SEPTIN3: variants seen among roughly 807,000 people sequenced by gnomAD.
SEPTIN3 encodes neuronal-specific septin-3.
In SEPTIN3, 15 loss-of-function variants were observed where a neutral mutation model predicts 45.1. That is an observed-to-expected ratio of 0.33 (90% confidence interval 0.22 to 0.51). SEPTIN3 has a LOEUF of 0.51. Ranked by LOEUF, SEPTIN3 falls within the 20% of genes least tolerant of loss-of-function variation. The pLI, the probability that SEPTIN3 is intolerant of heterozygous loss-of-function variation, is 0.97. For synonymous variants in SEPTIN3, 148 were observed against 164.8 expected (o/e 0.90, Z 0.78); for missense variants, 289 against 457.2 (o/e 0.63, Z 3.35).
Position 41,994,433 on chromosome 22 carries a change from GTCTC to G in SEPTIN3, c.2411+96_2411+99del, listed in dbSNP as rs986917960. On this transcript the variant is annotated intron_variant, in intron 10 of 11. Transcript: ENST00000644076. The surrounding 1 kb of genome is among the most constrained non-coding windows in gnomAD (Gnocchi z 4.2). ...TCAGATTCACCTCCTGCATCTCCAG[GTCTC>G]TCTGACAGAGCTTTCTGCCCCAGTT... is the stretch of plus-strand genomic sequence containing the variant. 6.6e-7 allele frequency: 1 copy of G among 1,518,882 alleles called. No homozygotes were observed. The allele number at this position is 1,518,882 out of a possible 1,614,324, so 94.1% of individuals were successfully genotyped here. A position where few individuals can be genotyped will look rare whatever the true frequency, so the allele number is the denominator to read the frequency against.
chr22:41,992,577 G>T (rs1569440903), intron 8 of SEPTIN3, 87 bp from the exon 9 acceptor site: 2 of 779,892 alleles, frequency 2.6e-6, no homozygotes. Flanking sequence ...AAGGCTAGAG[G>T]ACCATATGCC....
intron 11 of SEPTIN3, 105 bp from the exon 12 acceptor site, chr22:41,996,797 T>C: frequency 1.3e-6 from 2 of 1,554,644 alleles, no homozygotes; most frequent in Non-Finnish European, 8.7e-7. Flanking sequence ...GAATGGTGCC[T>C]GGCACCCCTG....
At position 41,971,761 on chromosome 22, in the gene SEPTIN3, G is replaced by C; in HGVS notation, c.269G>C (p.Gly90Ala). ...CCACAGGAGACGGGCATCGCTCTGG[G>C]GGCTTCCTTGAGCCCCCTGCCCACC... The part of the protein sequence containing the change: ...VPPQETGIAL[G>A]ASLSPLPTSS... The change falls in exon 2 of 12, where the codon GGG becomes GCG. Residue 90 changes from glycine (G) to alanine (A), a missense_variant. Gly to Ala is a moderately conservative substitution (Grantham distance 60). This residue lies in a region of SEPTIN3 where 200 missense variants were observed against 315.1 expected (regional missense o/e 0.63). Coordinates refer to ENST00000644076, the MANE Select transcript of SEPTIN3 (RefSeq NM_001363845.2). 2.5e-6 allele frequency: 1 copy of C among 399,286 alleles called. No individual in the cohort carries two copies. The highest frequency in any genetic ancestry group is 3.6e-5 in the East Asian group (1 of 28,064). The allele number at this position is 399,286 out of a possible 1,614,324, so 24.7% of individuals were successfully genotyped here. A position where few individuals can be genotyped will look rare whatever the true frequency, so the allele number is the denominator to read the frequency against.
intron 6 of SEPTIN3, among the ~76,000 whole-genome samples, chr22:41,988,399 C>G (rs1326186719): frequency 1.3e-5 from 2 of 152,028 alleles, no homozygotes; most frequent in Admixed American, 6.6e-5. Context: ...AGGGGGCAGG[C>G]CAGAAACCTT....
rs933202410 is a variant in SEPTIN3, at chr22:41,969,690, G to C, written c.-20+13G>C. 1 of 149,506 alleles carries C rather than the reference G, an allele frequency of 6.7e-6. No homozygotes were observed. The highest frequency in any genetic ancestry group is 1.5e-5 in the Non-Finnish European group (1 of 67,300). The allele number at this position is 149,506 out of a possible 1,614,324, so 9.3% of individuals were successfully genotyped here. A position where few individuals can be genotyped will look rare whatever the true frequency, so the allele number is the denominator to read the frequency against. ...TCCTCTGATCAAGGTAGGTGTGTAG[G>C]GGGGTGGAAGGGTGTGGGGGTTTGT... is the stretch of plus-strand genomic sequence containing the variant. On this transcript the variant is annotated intron_variant, in intron 1 of 11. Coordinates refer to ENST00000644076, the MANE Select transcript of SEPTIN3 (RefSeq NM_001363845.2).
chr22:41,980,071 A>G (rs1374896200), intron 2 of SEPTIN3, among the ~76,000 whole-genome samples: 1 of 150,576 alleles, frequency 6.6e-6, no homozygotes, highest in Non-Finnish European at 1.5e-5. Flanking sequence ...CATTTCCCCT[A>G]CAGACCTGAA....
At chr22:41,985,589 A>G (rs998696464) in intron 3 of SEPTIN3, 3 of 179,134 alleles carry the variant, frequency 1.7e-5, no homozygotes, top group Non-Finnish European at 2.4e-5. Flanking sequence ...AATGTACAAT[A>G]TGCACTGTGA....
intron 6 of SEPTIN3, among the ~76,000 whole-genome samples, 159 bp downstream of exon 6, chr22:41,987,918 C>G (rs2078236877): frequency 6.6e-6 from 1 of 152,058 alleles, no homozygotes; most frequent in Admixed American, 6.5e-5. Context: ...GGCCCATGAC[C>G]TTGGGATTCC....
intron 3 of SEPTIN3, 47 bp from the exon 4 acceptor site, chr22:41,985,937 G>T: frequency 6.4e-7 from 1 of 1,557,784 alleles, no homozygotes; most frequent in Non-Finnish European, 8.7e-7. Flanking sequence ...TTAGGCTCAG[G>T]AGGTGGATGC....
In SEPTIN3 at chr22:41,989,696, C is replaced by G. The variant is rs200400277; in HGVS notation, c.2163+12C>G. 3.2e-4 allele frequency: 491 copies of G among 1,525,944 alleles called. 2 individuals carry two copies. Among genetic ancestry groups the G allele is most frequent in the Admixed American group, 4.7e-4 (28 of 59,862 alleles). The allele number at this position is 1,525,944 out of a possible 1,614,324, so 94.5% of individuals were successfully genotyped here. On this transcript the variant is annotated intron_variant, in intron 7 of 11. Coordinates refer to ENST00000644076, the MANE Select transcript of SEPTIN3 (RefSeq NM_001363845.2). Reference sequence around the variant, plus strand: ...AATTCAAGCAAAGGGTGAGAAGGCCCCCTGTCTTCTTTTCCTGTTCCCATC... The same window carrying G: ...AATTCAAGCAAAGGGTGAGAAGGCCGCCTGTCTTCTTTTCCTGTTCCCATC...
intron 11 of SEPTIN3, chr22:41,995,065 C>T (rs932517310): frequency 8.8e-7 from 1 of 1,138,826 alleles, no homozygotes; most frequent in Admixed American, 3.8e-5. Flanking sequence ...CAAAACAAAG[C>T]TGTTTGCCTC....
In SEPTIN3 at chr22:41,991,137, TG is replaced by T. The variant is rs769422662; in HGVS notation, c.2164-434del. On this transcript the variant is annotated intron_variant, in intron 7 of 11. Transcript: ENST00000644076. Reference sequence around the variant, plus strand: ...AATGAAGAGGTCCTGGATGGTTTCCTGGAGAAGGCAAGACTTAAGTCGACCT... The same window carrying T: ...AATGAAGAGGTCCTGGATGGTTTCCTGAGAAGGCAAGACTTAAGTCGACCT... Among the ~76,000 whole-genome samples the T allele has an allele frequency of 1.8e-4, 27 of 152,140 alleles. No homozygotes were observed. The Middle Eastern group carries it at 0.021, about 116-fold the overall frequency.
chr22:41,991,743 G>C, intron 8 of SEPTIN3, 75 bp downstream of exon 8: 1 of 1,027,978 alleles, frequency 9.7e-7, no homozygotes, highest in South Asian at 1.3e-5. Context: ...CACGTCCTCT[G>C]TCTGTCTTTT....
At chr22:41,996,342 A>G in intron 11 of SEPTIN3, 1 of 985,396 alleles carries the variant, frequency 1.0e-6, no homozygotes. Context: ...GGAAAACACT[A>G]AGTGAAACTG....
intron 5 of SEPTIN3, 120 bp downstream of exon 5, chr22:41,987,407 G>A: frequency 1.8e-6 from 2 of 1,131,096 alleles, no homozygotes; most frequent in Non-Finnish European, 1.3e-6. Context: ...GTTCCCGACA[G>A]CCCAGGCCAG....
Position 41,989,631 on chromosome 22 carries a change from A to G in SEPTIN3, c.2110A>G (p.Ile704Val). The change falls in exon 7 of 12, where the codon ATT becomes GTT. Residue 704 changes from isoleucine to valine, a missense_variant. Physicochemically the swap from Ile to Val is conservative, Grantham distance 29. This residue lies in a region of SEPTIN3 where 200 missense variants were observed against 315.1 expected (regional missense o/e 0.63). Transcript: ENST00000644076. Reference sequence around the variant, plus strand: ...CAAGGTTGTGAACATCATCCCTGTCATTGCTAAGGCTGACACCATGACCCT... The same window carrying G: ...CAAGGTTGTGAACATCATCCCTGTCGTTGCTAAGGCTGACACCATGACCCT... The part of the protein sequence containing the change: ...LSKVVNIIPV[I>V]AKADTMTLEE... 1 of 1,614,092 alleles carries G rather than the reference A, an allele frequency of 6.2e-7. No homozygotes were observed. The highest frequency in any genetic ancestry group is 1.1e-5 in the South Asian group (1 of 91,080).
chr22:41,985,869 T>G, intron 3 of SEPTIN3, 115 bp from the exon 4 acceptor site: 1 of 1,304,424 alleles, frequency 7.7e-7, no homozygotes. Flanking sequence ...CAGTGAGTGG[T>G]CAGACAAGGT....
chr22:41,991,928 A>G (rs1156691564), intron 8 of SEPTIN3, among the ~76,000 whole-genome samples: 1 of 151,892 alleles, frequency 6.6e-6, no homozygotes, highest in Admixed American at 6.6e-5. Flanking sequence ...TGGCAAAAAC[A>G]GTATTTGGGG....
intron 2 of SEPTIN3, among the ~76,000 whole-genome samples, chr22:41,980,921 C>T (rs762984727): frequency 1.3e-5 from 2 of 152,126 alleles, no homozygotes; most frequent in Non-Finnish European, 2.9e-5. Flanking sequence ...CCTTCAGGTA[C>T]AGACACCCCT....
Sources: allele counts gnomAD v4.1 joint callset (sites outside exome capture counted in the v4.1 genomes callset), GRCh38; gene constraint gnomAD v4.1.1; regional missense constraint gnomAD v4.1.1; non-coding constraint Gnocchi (gnomAD v3.1); transcripts MANE v1.5; gene names NCBI Gene and HGNC (gene_info 2026-07-23, HGNC 2026-07-21).